UBE2O: variants seen among roughly 807,000 people sequenced by gnomAD.
UBE2O encodes (E3-independent) E2 ubiquitin-conjugating enzyme.
UBE2O carries 15 observed loss-of-function variants against 125.8 expected under a neutral mutation model. That is an observed-to-expected ratio of 0.12 (90% CI 0.08 to 0.18). UBE2O has a LOEUF of 0.18. UBE2O is among the 10% of genes least tolerant of loss of function. The pLI is 1.00. For missense variants in UBE2O, 1,280 were observed against 1,723.6 expected (o/e 0.74, Z 4.56); for synonymous variants, 708 against 703.2 (o/e 1.01, Z -0.11).
At chr17:76,439,027 T>C (rs975816720) in intron 1 of UBE2O, among the ~76,000 whole-genome samples, 4 of 152,220 alleles carry the variant, frequency 2.6e-5, no homozygotes, top group African/African-American at 7.2e-5. Flanking sequence ...GTCCTCTTTA[T>C]GTAAAAAACA....
chr17:76,399,842 A>G lies in UBE2O; in HGVS notation c.1235T>C (p.Met412Thr). Residue 412 changes from methionine to threonine, a missense_variant, in exon 9 of 18, where the codon ATG becomes ACG. Transcript: ENST00000319380. The surrounding 1 kb of genome is among the most constrained non-coding windows in gnomAD (Gnocchi z 6.9). ...TTCCCCCTTCTTGTCTGGGTCTTCC[A>G]TGGAATGGTCCCGGGAACACTGGGT... is the stretch of plus-strand genomic sequence containing the variant. ...PDTQCSRDHSMEDPDKKGESK... is the reference protein window; with the variant it reads ...PDTQCSRDHSTEDPDKKGESK... 9 of 1,614,120 alleles carry G rather than the reference A, an allele frequency of 5.6e-6. No homozygotes were observed. Among genetic ancestry groups the G allele is most frequent in the Non-Finnish European group, 7.6e-6 (9 of 1,180,012 alleles).
Position 76,401,089 on chromosome 17 carries a change from G to A in UBE2O, c.816C>T (p.Ile272=). The change falls in exon 6 of 18, where the codon ATC becomes ATT. Residue 272 remains isoleucine (I), a synonymous_variant. Transcript: ENST00000319380. ...PGQVLIGPAK[I]FSSVQWLSGV... is the part of the protein sequence containing the mutation. ...CTGACAGCCACTGGACGCTGGAGAA[G>A]ATCTTGGCAGGGCCAATGAGCACCT... The A allele has an allele frequency of 6.2e-7, 1 of 1,613,968 alleles. No individual in the cohort carries two copies.
At chr17:76,401,940 C>G in intron 5 of UBE2O, 124 bp downstream of exon 5, 1 of 841,358 alleles carries the variant, frequency 1.2e-6, no homozygotes, top group Non-Finnish European at 1.8e-6. Context: ...GACCCTCTGG[C>G]GCGCACCCGC....
intron 1 of UBE2O, chr17:76,430,903 T>C (rs2072896045): frequency 4.8e-6 from 2 of 420,500 alleles, no homozygotes; most frequent in Non-Finnish European, 9.4e-6. Flanking sequence ...CAGCTTTTCT[T>C]GCCATCCTAG....
intron 1 of UBE2O, among the ~76,000 whole-genome samples, chr17:76,447,601 C>T (rs4419085): frequency 0.88 from 134,219 of 152,222 alleles, 59,313 homozygotes; most frequent in East Asian, 1. Context: ...TCCTGGAGGA[C>T]GGCCGGGGTT....
chr17:76,399,550 G>A lies in UBE2O; in HGVS notation c.1527C>T (p.Gly509=). 1.2e-6 allele frequency: 2 copies of A among 1,614,182 alleles called. No individual in the cohort carries two copies. Among genetic ancestry groups the A allele is most frequent in the South Asian group, 2.2e-5 (2 of 91,090 alleles). The part of the protein sequence containing the change: ...SSTTSSQSGS[G]TSRKKSIPLS... ...AGGGGATGCTCTTTTTGCGACTCGT[G>A]CCGCTGCCGCTCTGGGAGGAAGTGG... Residue 509 remains glycine (G), a synonymous_variant, in exon 9 of 18, where the codon GGC becomes GGT. Coordinates refer to ENST00000319380, the MANE Select transcript of UBE2O (RefSeq NM_022066.4). The surrounding 1 kb of genome is among the most constrained non-coding windows in gnomAD (Gnocchi z 6.9).
chr17:76,422,639 A>G (rs1028237478), intron 1 of UBE2O, among the ~76,000 whole-genome samples: 1 of 152,254 alleles, frequency 6.6e-6, no homozygotes, highest in Non-Finnish European at 1.5e-5. Context: ...GGGAACAGCC[A>G]TGGCTCAAAT....
rs977334760 is a variant in UBE2O at position 76,391,299 on chromosome 17, C to T, written c.3523G>A (p.Ala1175Thr). 7.4e-6 allele frequency: 12 copies of T among 1,612,938 alleles called. No homozygotes were observed. The East Asian group carries it at 2.5e-4, about 33-fold the overall frequency. ...TGTTGGCCGGAGTCTGACAGCTCGGCTACAGCTGGGGGCTCTGGCGAGCTG... is the reference window on the plus strand; with the variant it reads ...TGTTGGCCGGAGTCTGACAGCTCGGTTACAGCTGGGGGCTCTGGCGAGCTG... ...ASSSPEPPAVAELSDSGQQEP... is the reference protein window; with the variant it reads ...ASSSPEPPAVTELSDSGQQEP... Residue 1175 changes from alanine to threonine, a missense_variant, in exon 18 of 18, where the codon GCC becomes ACC. By Grantham distance (58) the Ala-to-Thr change is moderately conservative (BLOSUM62 0). Coordinates refer to ENST00000319380, the MANE Select transcript of UBE2O (RefSeq NM_022066.4). The surrounding 1 kb of genome is among the most constrained non-coding windows in gnomAD (Gnocchi z 8.4).
chr17:76,420,121 A>G (rs1263862367), intron 1 of UBE2O, among the ~76,000 whole-genome samples: 1 of 152,100 alleles, frequency 6.6e-6, no homozygotes, highest in Non-Finnish European at 1.5e-5. Flanking sequence ...CACTCCCCCA[A>G]ATGCCAAGCC....
Position 76,390,938 on chromosome 17 carries a change from G to C in UBE2O, c.*5C>G. ...CGGTGATGCTCTTTCCTCTGTGCCT[G>C]GCAGCTACTTGTCCTCTGTGCACTC... On this transcript the variant is annotated 3_prime_UTR_variant, in exon 18 of 18. Coordinates refer to ENST00000319380, the MANE Select transcript of UBE2O (RefSeq NM_022066.4). The C allele has an allele frequency of 6.3e-7, 1 of 1,592,742 alleles. No individual in the cohort carries two copies. The highest frequency in any genetic ancestry group is 1.1e-5 in the South Asian group (1 of 87,526).
chr17:76,429,661 T>C (rs571556457), intron 1 of UBE2O, among the ~76,000 whole-genome samples: 22 of 152,122 alleles, frequency 1.4e-4, no homozygotes, highest in African/African-American at 4.1e-4. Context: ...AGTAGAAAGC[T>C]GGCCACTGCT....
At chr17:76,403,908 G>C (rs570979774) in intron 3 of UBE2O, among the ~76,000 whole-genome samples, 1 of 152,300 alleles carries the variant, frequency 6.6e-6, no homozygotes, top group African/African-American at 2.4e-5. Flanking sequence ...GTTCCCACTG[G>C]CTAAATCTGG....
intron 1 of UBE2O, among the ~76,000 whole-genome samples, chr17:76,435,987 C>T (rs1459468266): frequency 6.6e-6 from 1 of 152,236 alleles, no homozygotes; most frequent in Non-Finnish European, 1.5e-5. Context: ...TGGCTCACGC[C>T]TGTAATCCTA....
Position 76,402,267 on chromosome 17 carries a change from C to T in UBE2O, c.687-140G>A, listed in dbSNP as rs888849674. On this transcript the variant is annotated intron_variant, in intron 4 of 17. Transcript: ENST00000319380. This position sits in a 1 kb window ranked among gnomAD's most constrained non-coding sequence, Gnocchi z 5.4. ...ACCATCAACTCAGCCCGAGGTAGTA[C>T]AAGAAACTCTCCCACAACGAACAAG... 5.3e-6 allele frequency: 4 copies of T among 758,264 alleles called. No individual in the cohort carries two copies. Among genetic ancestry groups the T allele is most frequent in the African/African-American group, 3.5e-5 (2 of 56,842 alleles). The allele number at this position is 758,264 out of a possible 1,614,324, so 47.0% of individuals were successfully genotyped here.
Position 76,400,087 on chromosome 17 carries a change from T to C in UBE2O, c.1155+60A>G, listed in dbSNP as rs1312752423. The C allele has an allele frequency of 1.3e-5, 21 of 1,577,848 alleles. No individual in the cohort carries two copies. Among genetic ancestry groups the C allele is most frequent in the Non-Finnish European group, 1.6e-5 (19 of 1,160,832 alleles). The stretch of plus-strand genomic sequence containing the variant: ...AAGCACAGACTGTCCTTCTTGGCCA[T>C]GGAAATGGCTCAAGGCCAGTTCCTC... On this transcript the variant is annotated intron_variant, in intron 8 of 17. Coordinates refer to ENST00000319380, the MANE Select transcript of UBE2O (RefSeq NM_022066.4). The surrounding 1 kb of genome is among the most constrained non-coding windows in gnomAD (Gnocchi z 4.3).
rs1478292453 is a variant in UBE2O, at chr17:76,452,815, G to C, written c.327C>G (p.His109Gln). The change falls in exon 1 of 18, where the codon CAC becomes CAG. Residue 109 changes from histidine to glutamine, a missense_variant. By Grantham distance (24) the His-to-Gln change is conservative. Coordinates refer to ENST00000319380, the MANE Select transcript of UBE2O (RefSeq NM_022066.4). The surrounding 1 kb of genome is among the most constrained non-coding windows in gnomAD (Gnocchi z 4.4). ...GCAGGGGGCTGGCCCGGCCCTCCTC[G>C]TGGCCCGCGCCCCCGGCCTCGGAGC... ...SGCSEAGGAG[H>Q]EEGRASPLRR... The C allele has an allele frequency of 3.3e-6, 5 of 1,510,476 alleles. No individual in the cohort carries two copies. The South Asian group carries it at 5.0e-5, about 15-fold the overall frequency. The allele number at this position is 1,510,476 out of a possible 1,614,324, so 93.6% of individuals were successfully genotyped here.
At position 76,392,021 on chromosome 17, in the gene UBE2O, T is replaced by C. The variant is rs1211756953; in HGVS notation, c.3039A>G (p.Pro1013=). ...LFDIQLPNIY[P]AVPPHFCYLS... The stretch of plus-strand genomic sequence containing the variant: ...GGTAGCAGAAGTGGGGGGGCACGGC[T>C]GGGTAGATGTTGGGGAGCTGGATGT... Residue 1013 remains proline (P), a synonymous_variant, in exon 16 of 18, where the codon CCA becomes CCG. Transcript: ENST00000319380. The C allele has an allele frequency of 6.3e-7, 1 of 1,577,924 alleles. No individual in the cohort carries two copies. The highest frequency in any genetic ancestry group is 8.6e-7 in the Non-Finnish European group (1 of 1,163,248).
chr17:76,406,692 GTTTTTT>G (rs66834782), intron 1 of UBE2O, among the ~76,000 whole-genome samples: 5 of 70,896 alleles, frequency 7.1e-5, no homozygotes, highest in African/African-American at 1.2e-4. Flanking sequence ...AGCCCAAGTT[GTTTTTT>G]TTTTTTTTTT....
rs1313962316 is a variant in UBE2O, at chr17:76,399,133, T to C, written c.1629-142A>G. 1.3e-5 allele frequency: 15 copies of C among 1,155,238 alleles called. No homozygotes were observed. Among genetic ancestry groups the C allele is most frequent in the Non-Finnish European group, 1.7e-5 (14 of 835,546 alleles). 71.6% of individuals were successfully genotyped at this position (1,155,238 alleles called of 1,614,324 possible). On this transcript the variant is annotated intron_variant, in intron 9 of 17. Transcript: ENST00000319380. The surrounding 1 kb of genome is among the most constrained non-coding windows in gnomAD (Gnocchi z 6.9). ...CCAGGTTGGCAGGATGAGTCTCTGG[T>C]GCACAGGAAGCTCACCCAGGGTTCC...
Sources: allele counts gnomAD v4.1 joint callset (sites outside exome capture counted in the v4.1 genomes callset), GRCh38; gene constraint gnomAD v4.1.1; non-coding constraint Gnocchi (gnomAD v3.1); transcripts MANE v1.5; gene names NCBI Gene and HGNC (gene_info 2026-07-23, HGNC 2026-07-21).